The following FARS2 variants were observed in gnomAD, a reference collection of about 807,000 sequenced individuals.
FARS2 encodes phenylalanine--tRNA ligase, mitochondrial.
FARS2 carries 40 observed loss-of-function variants against 46.4 expected under a neutral mutation model. That is an observed-to-expected ratio of 0.86 (90% CI 0.67 to 1.12). The LOEUF is 1.12. Ranked by LOEUF, FARS2 falls within the 50% of genes most tolerant of loss-of-function variation. FARS2 has a pLI of 0.00. For missense variants in FARS2, 513 were observed against 567.9 expected, an observed-to-expected ratio of 0.90 and a Z score of 0.98; for synonymous variants, 234 against 214.9, an observed-to-expected ratio of 1.09 and a Z score of -0.78.
chr6:5,641,161 G>T (rs1776796534), intron 6 of FARS2, among the ~76,000 whole-genome samples: 1 of 152,118 alleles, frequency 6.6e-6, no homozygotes. Flanking sequence ...TGTGTTTCTT[G>T]CTCACAGTGG....
rs562681082 is a variant in FARS2 at position 5,585,762 on chromosome 6, A to G, written c.1066-27407A>G. On this transcript the variant is annotated intron_variant, in intron 5 of 6. Coordinates refer to ENST00000274680, the MANE Select transcript of FARS2 (RefSeq NM_006567.5). ...CACACACATATATACTTATATTTAC[A>G]TATAAACACTTATATACACATATAT... Among the ~76,000 whole-genome samples the G allele has an allele frequency of 2.0e-5, 3 of 152,168 alleles. No homozygotes were observed. The East Asian group carries it at 5.8e-4, about 29-fold the overall frequency.
At chr6:5,756,108 C>T (rs1329957219) in intron 6 of FARS2, among the ~76,000 whole-genome samples, 3 of 152,146 alleles carry the variant, frequency 2.0e-5, no homozygotes, top group South Asian at 4.1e-4. Context: ...TGGTTCATGT[C>T]GGCCAAAGCT....
At chr6:5,657,934 T>A (rs997534378) in intron 6 of FARS2, among the ~76,000 whole-genome samples, 2 of 152,204 alleles carry the variant, frequency 1.3e-5, no homozygotes, top group African/African-American at 4.8e-5. Flanking sequence ...TTCTGTGACA[T>A]GGGGAATAGT....
chr6:5,394,886 G>C (rs1581977521), intron 2 of FARS2, among the ~76,000 whole-genome samples: 1 of 152,132 alleles, frequency 6.6e-6, no homozygotes, highest in East Asian at 1.9e-4. Flanking sequence ...AAGTGGTACA[G>C]AAACCATATT....
At chr6:5,322,214 A>G (rs909541318) in intron 1 of FARS2, among the ~76,000 whole-genome samples, 1 of 152,268 alleles carries the variant, frequency 6.6e-6, no homozygotes, top group Non-Finnish European at 1.5e-5. Context: ...ATGATAAAAT[A>G]AACTGTCATT....
chr6:5,598,108 G>A (rs1475216416), intron 5 of FARS2, among the ~76,000 whole-genome samples: 1 of 152,044 alleles, frequency 6.6e-6, no homozygotes, highest in Non-Finnish European at 1.5e-5. Context: ...GGTGAAAGAT[G>A]GGGCAAGGAG....
chr6:5,627,638 T>C (rs1776099799), intron 6 of FARS2, among the ~76,000 whole-genome samples: 1 of 152,266 alleles, frequency 6.6e-6, no homozygotes, highest in African/African-American at 2.4e-5. Flanking sequence ...TTTTCATCAC[T>C]GCACTGAGTT....
At chr6:5,419,287 T>A (rs183972861) in intron 3 of FARS2, among the ~76,000 whole-genome samples, 129 of 152,378 alleles carry the variant, frequency 8.5e-4, no homozygotes, top group African/African-American at 3.0e-3. Context: ...TGTGCTTTCA[T>A]GTATCTCTTA....
chr6:5,613,704 T>G (rs6925354), intron 6 of FARS2, among the ~76,000 whole-genome samples: 5,292 of 152,252 alleles, frequency 0.035, 294 homozygotes, highest in African/African-American at 0.12. Context: ...TGTTAAGCAC[T>G]TACCACACGC....
chr6:5,386,078 C>G (rs558206433), intron 2 of FARS2, among the ~76,000 whole-genome samples: 11 of 152,138 alleles, frequency 7.2e-5, no homozygotes, highest in Non-Finnish European at 1.6e-4. Context: ...ACTCTGCTCC[C>G]CACAGTCAGC....
chr6:5,260,501 T>C (rs559942529), upstream of FARS2: 30 of 1,121,942 alleles, frequency 2.7e-5, no homozygotes, highest in African/African-American at 4.7e-4. Context: ...AGGAGCACGC[T>C]TTTCGATGGC....
At chr6:5,743,916 T>C (rs1761492963) in intron 6 of FARS2, among the ~76,000 whole-genome samples, 1 of 152,272 alleles carries the variant, frequency 6.6e-6, no homozygotes, top group African/African-American at 2.4e-5. Context: ...CATATGTGTG[T>C]GTCACACTCA....
chr6:5,429,205 C>T (rs1427610190), intron 3 of FARS2, among the ~76,000 whole-genome samples: 1 of 152,108 alleles, frequency 6.6e-6, no homozygotes, highest in Non-Finnish European at 1.5e-5. Flanking sequence ...TCTGTGTCAA[C>T]ATTTGTCACA....
intron 1 of FARS2, among the ~76,000 whole-genome samples, chr6:5,334,434 G>A (rs1029357382): frequency 1.3e-5 from 2 of 152,208 alleles, no homozygotes; most frequent in Non-Finnish European, 2.9e-5. Flanking sequence ...CCTTTATAGA[G>A]TTACTGATTT....
At chr6:5,451,513 T>C (rs74893720) in intron 4 of FARS2, among the ~76,000 whole-genome samples, 3,427 of 152,250 alleles carry the variant, frequency 0.023, 63 homozygotes, top group South Asian at 0.069. Context: ...AATGGAGAAA[T>C]AGCCAGTGGA....
intron 6 of FARS2, among the ~76,000 whole-genome samples, chr6:5,715,098 A>G (rs62408094): frequency 0.028 from 4,206 of 152,244 alleles, 117 homozygotes; most frequent in Non-Finnish European, 0.035. Context: ...TGTGTGCCTT[A>G]AATATATCAA....
intron 3 of FARS2, among the ~76,000 whole-genome samples, chr6:5,420,597 A>G (rs1762488634): frequency 6.6e-6 from 1 of 152,238 alleles, no homozygotes; most frequent in African/African-American, 2.4e-5. Flanking sequence ...TTAAAGCTCC[A>G]GAATGATCTC....
intron 5 of FARS2, among the ~76,000 whole-genome samples, chr6:5,567,657 A>G (rs1772398124): frequency 6.6e-6 from 1 of 152,220 alleles, no homozygotes; most frequent in African/African-American, 2.4e-5. Context: ...CAGACAATAG[A>G]TGGAGGATAA....
intron 6 of FARS2, among the ~76,000 whole-genome samples, chr6:5,738,529 A>G (rs1384243332): frequency 3.3e-5 from 5 of 152,276 alleles, no homozygotes; most frequent in Admixed American, 6.5e-5. Flanking sequence ...CAGCAAGAAC[A>G]GAGTTTTTCC....
Sources: gnomAD v4.1 joint callset for allele counts (sites outside exome capture counted in the v4.1 genomes callset) on GRCh38, gnomAD v4.1.1 for gene constraint, MANE v1.5 for transcripts, NCBI Gene and HGNC (gene_info 2026-07-23, HGNC 2026-07-21) for gene names.